The following FRMD6 variants were observed in gnomAD, a reference collection of about 807,000 sequenced individuals.
FRMD6 encodes the protein FERM domain-containing protein 6.
FRMD6 carries 37 observed loss-of-function variants against 73.2 expected under a neutral mutation model. The ratio of observed to expected loss-of-function variants is 0.51; its 90% CI spans 0.39 to 0.66. FRMD6 has a LOEUF of 0.66. Among genes scored for constraint, FRMD6 ranks in the 30% least tolerant of loss-of-function variants. FRMD6 has a pLI of 0.00. For missense variants in FRMD6, 714 were observed against 780.5 expected (o/e 0.91, Z 1.02); for synonymous variants, 273 against 282.2 (o/e 0.97, Z 0.33).
intron 2 of FRMD6, chr14:51,576,228 C>A: frequency 6.6e-6 from 1 of 152,376 alleles, no homozygotes. Context: ...GGCATTCTCA[C>A]CCTGTTTCCT....
intron 1 of FRMD6, among the ~76,000 whole-genome samples, chr14:51,548,886 C>A (rs1886624426): frequency 6.6e-6 from 1 of 152,180 alleles, no homozygotes; most frequent in Non-Finnish European, 1.5e-5. Context: ...GATGGAAAAT[C>A]TTGGCCACTC....
chr14:51,526,573 C>T (rs1885267382), intron 1 of FRMD6, among the ~76,000 whole-genome samples: 2 of 152,128 alleles, frequency 1.3e-5, no homozygotes, highest in Non-Finnish European at 2.9e-5. Context: ...TTCCTAGTCC[C>T]CTAATAATGC....
At chr14:51,461,329 C>G in the FRMD6 span, among the ~76,000 whole-genome samples, 2 of 152,186 alleles carry the variant, frequency 1.3e-5, no homozygotes, top group Non-Finnish European at 1.5e-5. Flanking sequence ...CTACCACTGC[C>G]AGTTATTTCT....
intron 2 of FRMD6, among the ~76,000 whole-genome samples, chr14:51,589,242 A>G (rs971706435): frequency 2.6e-5 from 4 of 152,180 alleles, no homozygotes; most frequent in African/African-American, 4.8e-5. Context: ...ATAAGTGACT[A>G]TAGAAGGTCC....
the FRMD6 span, among the ~76,000 whole-genome samples, chr14:51,449,088 G>C: frequency 6.6e-6 from 1 of 152,188 alleles, no homozygotes; most frequent in Non-Finnish European, 1.5e-5. Context: ...CATCTCTGCT[G>C]TTGTTACAGA....
chr14:51,420,653 A>G, the FRMD6 span, among the ~76,000 whole-genome samples: 1 of 152,250 alleles, frequency 6.6e-6, no homozygotes, highest in Non-Finnish European at 1.5e-5. Flanking sequence ...TCCCTAAACA[A>G]TACAGTGAAA....
intron 1 of FRMD6, among the ~76,000 whole-genome samples, chr14:51,677,443 T>C (rs994246604): frequency 2.6e-5 from 4 of 152,082 alleles, no homozygotes; most frequent in African/African-American, 9.7e-5. Context: ...AAAGATTTCA[T>C]TGTGGAAATT....
At chr14:51,582,239 G>T (rs1186264641) in intron 2 of FRMD6, among the ~76,000 whole-genome samples, 2 of 152,176 alleles carry the variant, frequency 1.3e-5, no homozygotes, top group African/African-American at 4.8e-5. Context: ...GGCAGAAGGA[G>T]AATTATTTTG....
chr14:51,498,748 A>G (rs1883443153), intron 1 of FRMD6, among the ~76,000 whole-genome samples: 1 of 152,104 alleles, frequency 6.6e-6, no homozygotes, highest in Non-Finnish European at 1.5e-5. Context: ...TACTCATTCC[A>G]TCCACGTGAC....
chr14:51,711,181 C>G (rs1594770526), intron 7 of FRMD6, among the ~76,000 whole-genome samples: 1 of 78,702 alleles, frequency 1.3e-5, no homozygotes, highest in African/African-American at 6.4e-5. Flanking sequence ...TCAAAAAAAT[C>G]AAACAATGCA....
At chr14:51,478,375 G>A in the FRMD6 span, among the ~76,000 whole-genome samples, 2 of 152,174 alleles carry the variant, frequency 1.3e-5, no homozygotes, top group Non-Finnish European at 2.9e-5. Context: ...ATGAATAGTA[G>A]TCAGTGGAAA....
intron 1 of FRMD6, among the ~76,000 whole-genome samples, chr14:51,562,382 T>C (rs892559825): frequency 3.9e-5 from 6 of 152,142 alleles, no homozygotes; most frequent in Admixed American, 1.3e-4. Context: ...GAAGATAGCA[T>C]GCATATTGCT....
At chr14:51,412,433 T>C in the FRMD6 span, among the ~76,000 whole-genome samples, 1 of 151,784 alleles carries the variant, frequency 6.6e-6, no homozygotes, top group Non-Finnish European at 1.5e-5. Context: ...TTTTGAGAGC[T>C]CCAAATATAA....
chr14:51,645,982 T>C (rs1892048252), intron 2 of FRMD6, among the ~76,000 whole-genome samples: 1 of 152,048 alleles, frequency 6.6e-6, no homozygotes, highest in African/African-American at 2.4e-5. Flanking sequence ...CCCCTCCCAC[T>C]GTTCCAGTTC....
intron 2 of FRMD6, among the ~76,000 whole-genome samples, chr14:51,610,180 G>A (rs1172018618): frequency 1.3e-5 from 2 of 151,972 alleles, no homozygotes; most frequent in Non-Finnish European, 2.9e-5. Context: ...GGCAGCCCTC[G>A]GCCAATGGAC....
the FRMD6 span, chr14:51,436,943 G>C: frequency 4.0e-6 from 4 of 991,326 alleles, no homozygotes; most frequent in East Asian, 3.1e-5. Context: ...GGGAGAGGAG[G>C]ATGAAGGAGA....
the FRMD6 span, among the ~76,000 whole-genome samples, chr14:51,411,658 T>C: frequency 2.0e-5 from 3 of 152,264 alleles, no homozygotes; most frequent in Non-Finnish European, 4.4e-5. Flanking sequence ...GTCTCTGTTC[T>C]CTGAAGCCTA....
the FRMD6 span, among the ~76,000 whole-genome samples, chr14:51,479,142 G>A: frequency 6.6e-6 from 1 of 152,118 alleles, no homozygotes; most frequent in African/African-American, 2.4e-5. Context: ...AATCTTTAAC[G>A]TTTCAAGTGA....
At chr14:51,597,133 A>G (rs531035905) in intron 2 of FRMD6, among the ~76,000 whole-genome samples, 1 of 152,238 alleles carries the variant, frequency 6.6e-6, no homozygotes, top group Non-Finnish European at 1.5e-5. Context: ...ACAGCAACAG[A>G]CATTATCTAA....
Sources: gnomAD v4.1 joint callset for allele counts (sites outside exome capture counted in the v4.1 genomes callset) on GRCh38, gnomAD v4.1.1 for gene constraint, MANE v1.5 for transcripts, NCBI Gene and HGNC (gene_info 2026-07-23, HGNC 2026-07-21) for gene names.